FRMPD4: variants seen among roughly 807,000 people sequenced by gnomAD.
The protein encoded by FRMPD4 is FERM and PDZ domain containing 4.
A neutral mutation model predicts 94.1 loss-of-function variants in FRMPD4; 22 were observed. That is an observed-to-expected ratio of 0.23 (90% confidence interval 0.17 to 0.33). FRMPD4 has a LOEUF of 0.33. Ranked by LOEUF, FRMPD4 falls within the 10% of genes least tolerant of loss-of-function variation. FRMPD4 has a pLI of 1.00. For synonymous variants in FRMPD4, 631 were observed against 548.6 expected (o/e 1.15, Z -2.10); for missense variants, 1,111 against 1,339.9 (o/e 0.83, Z 2.67).
intron 1 of FRMPD4, among the ~76,000 whole-genome samples, chrX:12,175,550 C>T (rs1018689678): frequency 2.7e-5 from 3 of 112,113 alleles, no homozygotes; most frequent in Admixed American, 1.9e-4. Context: ...GATGGAGTTT[C>T]GCTCTTTCGC....
At chrX:12,611,862 A>T (rs1465908412) in intron 3 of FRMPD4, among the ~76,000 whole-genome samples, 1 of 98,766 alleles carries the variant, frequency 1.0e-5, no homozygotes, top group Non-Finnish European at 2.2e-5. Context: ...GTTGCTTCTT[A>T]TGATAACATG....
intron 1 of FRMPD4, among the ~76,000 whole-genome samples, chrX:12,436,016 C>CT (rs1392751691): frequency 5.4e-5 from 6 of 110,992 alleles, no homozygotes; most frequent in African/African-American, 1.3e-4. Flanking sequence ...CTTTTATTTT[C>CT]TTTTTTTGAG....
At chrX:12,262,056 T>C (rs1261193898) in intron 1 of FRMPD4, among the ~76,000 whole-genome samples, 1 of 111,267 alleles carries the variant, frequency 9.0e-6, no homozygotes, top group Non-Finnish European at 1.9e-5. Flanking sequence ...CATCTTAATG[T>C]AGCAGTTTGG....
At chrX:12,680,472 G>C (rs375011107) in intron 5 of FRMPD4, among the ~76,000 whole-genome samples, 2 of 112,324 alleles carry the variant, frequency 1.8e-5, no homozygotes, top group South Asian at 3.7e-4. Context: ...ACTCTAGCCA[G>C]TGGAATAAGC....
At chrX:12,577,495 T>A (rs1007547188) in intron 2 of FRMPD4, among the ~76,000 whole-genome samples, 1 of 109,992 alleles carries the variant, frequency 9.1e-6, no homozygotes, top group Non-Finnish European at 1.9e-5. Context: ...GGCAAGGAGA[T>A]GAGAGTGTGT....
intron 3 of FRMPD4, among the ~76,000 whole-genome samples, chrX:12,011,771 G>A (rs1414362535): frequency 5.4e-5 from 6 of 111,839 alleles, no homozygotes; most frequent in Admixed American, 9.5e-5. Flanking sequence ...GCTGTAAAAT[G>A]CTACATAAAT....
chrX:12,058,805 C>G (rs1255259578), intron 3 of FRMPD4, among the ~76,000 whole-genome samples: 1 of 110,758 alleles, frequency 9.0e-6, no homozygotes, highest in Non-Finnish European at 1.9e-5. Context: ...TGTCTGGAGA[C>G]ATTTTTCCTT....
intron 1 of FRMPD4, among the ~76,000 whole-genome samples, chrX:12,210,740 A>T (rs752883558): frequency 5.6e-4 from 62 of 111,010 alleles, no homozygotes; most frequent in South Asian, 2.4e-3. Flanking sequence ...GACAACACAC[A>T]CTAAAAAAGG....
At chrX:12,346,478 C>G (rs2055712791) in intron 1 of FRMPD4, among the ~76,000 whole-genome samples, 1 of 111,251 alleles carries the variant, frequency 9.0e-6, no homozygotes, top group Non-Finnish European at 1.9e-5. Flanking sequence ...TATATAATAT[C>G]TTGGCTTACA....
intron 2 of FRMPD4, among the ~76,000 whole-genome samples, chrX:11,875,613 A>G (rs759923722): frequency 3.6e-5 from 4 of 111,814 alleles, no homozygotes; most frequent in African/African-American, 9.7e-5. Context: ...TCCAGCCCCT[A>G]GAAGGGGACA....
chrX:12,440,966 A>C (rs1296563498), intron 1 of FRMPD4, among the ~76,000 whole-genome samples: 4 of 112,361 alleles, frequency 3.6e-5, no homozygotes, highest in African/African-American at 1.3e-4. Context: ...GGTAAATGTC[A>C]TAATTCTTCT....
At chrX:12,417,405 C>T (rs985186103) in intron 1 of FRMPD4, among the ~76,000 whole-genome samples, 6 of 108,020 alleles carry the variant, frequency 5.6e-5, no homozygotes, top group Non-Finnish European at 9.6e-5. Flanking sequence ...ATGGTGAAAC[C>T]CCATCTCTAC....
chrX:12,225,726 A>G, intron 1 of FRMPD4, among the ~76,000 whole-genome samples: 1 of 112,259 alleles, frequency 8.9e-6, no homozygotes, highest in East Asian at 2.8e-4. Context: ...GAGTAGTGTG[A>G]CCTGAAGGCA....
At chrX:12,542,719 C>G (rs1447411297) in intron 2 of FRMPD4, among the ~76,000 whole-genome samples, 2 of 111,662 alleles carry the variant, frequency 1.8e-5, no homozygotes, top group Non-Finnish European at 3.8e-5. Context: ...ACTTTCTTCA[C>G]AGAATTGGAA....
chrX:12,637,207 A>C (rs952767599), intron 4 of FRMPD4, among the ~76,000 whole-genome samples: 1 of 112,594 alleles, frequency 8.9e-6, no homozygotes, highest in Admixed American at 9.5e-5. Context: ...CTCAAGTCGT[A>C]AATCCCAATG....
At chrX:12,636,795 T>C (rs1319961648) in intron 4 of FRMPD4, among the ~76,000 whole-genome samples, 1 of 112,260 alleles carries the variant, frequency 8.9e-6, no homozygotes, top group Non-Finnish European at 1.9e-5. Flanking sequence ...GATATATTTA[T>C]ATCCATTGAT....
At chrX:12,389,911 T>C (rs2056452297) in intron 1 of FRMPD4, among the ~76,000 whole-genome samples, 1 of 111,938 alleles carries the variant, frequency 8.9e-6, no homozygotes, top group Non-Finnish European at 1.9e-5. Flanking sequence ...CTTTTGATGT[T>C]ATGTAGCTAA....
intron 4 of FRMPD4, among the ~76,000 whole-genome samples, chrX:12,650,503 G>A (rs1353108426): frequency 8.9e-6 from 1 of 112,302 alleles, no homozygotes; most frequent in Non-Finnish European, 1.9e-5. Context: ...TGAAGTGTAG[G>A]TGAAGATAAG....
At chrX:12,559,026 G>C (rs1413471722) in intron 2 of FRMPD4, among the ~76,000 whole-genome samples, 1 of 112,338 alleles carries the variant, frequency 8.9e-6, no homozygotes, top group Non-Finnish European at 1.9e-5. Context: ...TTAAGTGTCA[G>C]ACCTTCCTAT....
Sources: gnomAD v4.1 joint callset for allele counts (sites outside exome capture counted in the v4.1 genomes callset) on GRCh38, gnomAD v4.1.1 for gene constraint, MANE v1.5 for transcripts, NCBI Gene and HGNC (gene_info 2026-07-23, HGNC 2026-07-21) for gene names.